The following CNDP2 variants were observed in gnomAD, a reference collection of about 807,000 sequenced individuals.
CNDP2 encodes carnosine dipeptidase 2.
In CNDP2, 38 loss-of-function variants were observed where a neutral mutation model predicts 55.0. That is an observed-to-expected ratio of 0.69 (90% CI 0.53 to 0.90). The LOEUF (loss-of-function observed/expected upper bound fraction) is 0.90, where lower values mean the gene tolerates loss of function less well. Among genes scored for constraint, CNDP2 ranks in the 40% least tolerant of loss-of-function variants. The probability of loss-of-function intolerance (pLI) is 0.00; values close to 1 mark genes in which losing one functional copy is unlikely to be tolerated. For synonymous variants in CNDP2, 241 were observed against 260.2 expected, an observed-to-expected ratio of 0.93 and a Z score of 0.71; for missense variants, 607 against 621.7, an observed-to-expected ratio of 0.98 and a Z score of 0.25.
Position 74,516,229 on chromosome 18 carries a change from AAGAC to A in CNDP2, c.907_910del (p.Asp303SerfsTer28). 1 of 1,607,616 alleles carries A rather than the reference AAGAC, an allele frequency of 6.2e-7. No homozygotes were observed. ...CCTGACCCTCTGATTTTTCTGCAGAAAGACATCCTCATGCACCGATGGCGGTACC... is the reference window on the plus strand; with the variant it reads ...CCTGACCCTCTGATTTTTCTGCAGAAATCCTCATGCACCGATGGCGGTACC... On this transcript the variant is annotated frameshift_variant and splice_region_variant, in exon 9 of 12. Coordinates refer to ENST00000324262, the MANE Select transcript of CNDP2 (RefSeq NM_018235.3). LOFTEE classifies it high-confidence loss of function.
intron 2 of CNDP2, among the ~76,000 whole-genome samples, chr18:74,500,496 T>C (rs1283175241): frequency 6.6e-6 from 1 of 152,246 alleles, no homozygotes; most frequent in Non-Finnish European, 1.5e-5. Context: ...TAATTTGGAC[T>C]GTGGCAACAT....
chr18:74,501,395 A>G lies in CNDP2; in HGVS notation c.127A>G (p.Arg43Gly). Residue 43 changes from arginine to glycine, a missense_variant, in exon 3 of 12, where the codon AGG (arginine) becomes GGG (glycine). Transcript: ENST00000324262. ...AWPEKRGEIR[R>G]MMEVAAADVK... ...GCCGGAGAAGAGAGGCGAAATCAGG[A>G]GGATGATGGAAGTTGCTGCTGCAGA... is the stretch of plus-strand genomic sequence containing the variant. 4 of 1,614,156 alleles carry G rather than the reference A, an allele frequency of 2.5e-6. No homozygotes were observed. Among genetic ancestry groups the G allele is most frequent in the Non-Finnish European group, 3.4e-6 (4 of 1,180,016 alleles).
At chr18:74,511,565 A>C (rs1048412420) in intron 6 of CNDP2, among the ~76,000 whole-genome samples, 8 of 152,054 alleles carry the variant, frequency 5.3e-5, no homozygotes, top group African/African-American at 1.9e-4. Flanking sequence ...AAAGTTAGCC[A>C]GGTGTGGTGG....
At position 74,508,942 on chromosome 18, in the gene CNDP2, G is replaced by C. The variant is rs763278033; in HGVS notation, c.456+14G>C. The C allele has an allele frequency of 3.7e-5, 59 of 1,609,596 alleles. No individual in the cohort carries two copies. The highest frequency in any genetic ancestry group is 2.2e-5 in the East Asian group (1 of 44,856). The stretch of plus-strand genomic sequence containing the variant: ...AAAACAGGCCAGGTATGCCCCCCAC[G>C]CTGACTTCTGCCTGAGTCCTGGGTT... On this transcript the variant is annotated intron_variant, in intron 5 of 11. Coordinates refer to ENST00000324262, the MANE Select transcript of CNDP2 (RefSeq NM_018235.3).
intron 8 of CNDP2, among the ~76,000 whole-genome samples, chr18:74,515,164 G>A (rs545190947): frequency 6.6e-6 from 1 of 152,164 alleles, no homozygotes; most frequent in Non-Finnish European, 1.5e-5. Context: ...GTGGAGCTCC[G>A]GGTCTTCCAG....
In CNDP2 at chr18:74,518,562, A is replaced by G. The variant is rs751303781; in HGVS notation, c.1132A>G (p.Met378Val). The G allele has an allele frequency of 1.2e-6, 2 of 1,614,118 alleles. No homozygotes were observed. The highest frequency in any genetic ancestry group is 1.7e-6 in the Non-Finnish European group (2 of 1,180,046). The change falls in exon 10 of 12, where the codon ATG becomes GTG. Residue 378 changes from methionine (M) to valine (V), a missense_variant. By Grantham distance (21) the Met-to-Val change is conservative. Transcript: ENST00000324262. ...CAGCCCCAATGAGTTCAAGGTGTAC[A>G]TGGGCCACGGTGGGAAGCCCTGGGT... ...LRSPNEFKVY[M>V]GHGGKPWVSD...
rs1980161085 is a variant in CNDP2, at chr18:74,523,364, T to A, written c.*3296T>A. On this transcript the variant is annotated 3_prime_UTR_variant, in exon 12 of 12. Transcript: ENST00000324262. ...GACCCTGTGACCCCTTTGCAAAGTATGAAGAACGGTTCCCACTCATGCATG... is the reference window on the plus strand; with the variant it reads ...GACCCTGTGACCCCTTTGCAAAGTAAGAAGAACGGTTCCCACTCATGCATG... The A allele has an allele frequency of 6.6e-6, 1 of 152,204 alleles. No individual in the cohort carries two copies. Among genetic ancestry groups the A allele is most frequent in the Middle Eastern group, 3.2e-3 (1 of 316 alleles). 9.4% of individuals were successfully genotyped at this position (152,204 alleles called of 1,614,324 possible).
At chr18:74,519,166 C>G (rs1342302811) in intron 11 of CNDP2, 70 bp downstream of exon 11, 17 of 1,513,620 alleles carry the variant, frequency 1.1e-5, no homozygotes, top group South Asian at 4.0e-5. Flanking sequence ...TCCCCTTCCC[C>G]CCGTGTGCAG....
rs1015658408 is a variant in CNDP2 at position 74,522,831 on chromosome 18, G to T, written c.*2763G>T. Reference sequence around the variant, plus strand: ...CGTGCTAACACCTGCAGCAGCCTGCGGCGGTCACCGTGCTAACACGTGCAG... The same window carrying T: ...CGTGCTAACACCTGCAGCAGCCTGCTGCGGTCACCGTGCTAACACGTGCAG... On this transcript the variant is annotated 3_prime_UTR_variant, in exon 12 of 12. Transcript: ENST00000324262. 2 of 152,428 alleles carry T rather than the reference G, an allele frequency of 1.3e-5. No individual in the cohort carries two copies. The highest frequency in any genetic ancestry group is 6.5e-5 in the Admixed American group (1 of 15,302). The allele number at this position is 152,428 out of a possible 1,614,324, so 9.4% of individuals were successfully genotyped here.
In CNDP2 at chr18:74,518,501, C is replaced by G. The variant is rs1443787488; in HGVS notation, c.1071C>G (p.Val357=). ...NMTPEVVGEQ[V]TSYLTKKFAE... is the part of the protein sequence containing the mutation. ...CCTCTATTCTATTTGTGGTTTAGGT[C>G]ACAAGCTACCTAACTAAGAAGTTTG... The change falls in exon 10 of 12, where the codon GTC becomes GTG. Residue 357 remains valine (V), a splice_region_variant and synonymous_variant. Transcript: ENST00000324262. 6.2e-7 allele frequency: 1 copy of G among 1,613,988 alleles called. No homozygotes were observed. Among genetic ancestry groups the G allele is most frequent in the Non-Finnish European group, 8.5e-7 (1 of 1,180,022 alleles).
intron 6 of CNDP2, 198 bp downstream of exon 6, chr18:74,511,211 G>A (rs2144597876): frequency 3.4e-6 from 2 of 592,900 alleles, no homozygotes; most frequent in Non-Finnish European, 6.0e-6. Flanking sequence ...GTGATCAGAA[G>A]TTAATCTCAC....
rs1979167878 is a variant in CNDP2, at chr18:74,508,666, A to G, written c.368-174A>G. On this transcript the variant is annotated intron_variant, in intron 4 of 11. Transcript: ENST00000324262. ...GTGGCTTATCTCTTTGATGATGCCA[A>G]ATTCTCTGACAAATTTAACGATAGT... 6.8e-6 allele frequency: 4 copies of G among 585,588 alleles called. No homozygotes were observed. The East Asian group carries it at 8.4e-5, about 12-fold the overall frequency. 36.3% of individuals were successfully genotyped at this position (585,588 alleles called of 1,614,324 possible).
chr18:74,506,720 C>T (rs180988720), intron 4 of CNDP2, among the ~76,000 whole-genome samples: 4 of 152,306 alleles, frequency 2.6e-5, no homozygotes, highest in Non-Finnish European at 5.9e-5. Flanking sequence ...GTGGGGGTGG[C>T]GATGTCCCTG....
intron 1 of CNDP2, 91 bp from the exon 2 acceptor site, chr18:74,499,791 A>G (rs1978587401): frequency 2.2e-6 from 1 of 462,576 alleles, no homozygotes; most frequent in Non-Finnish European, 3.9e-6. Context: ...AGCCGCAGTC[A>G]CTTCCTGGAG....
At chr18:74,516,610 A>G in intron 9 of CNDP2, 1 of 486,884 alleles carries the variant, frequency 2.1e-6, no homozygotes, top group Non-Finnish European at 3.4e-6. Flanking sequence ...GCAGGCCAAA[A>G]TCTGGCCTTT....
rs183784001 is a variant in CNDP2 at position 74,513,736 on chromosome 18, G to A, written c.903+17G>A. 1.4e-3 allele frequency: 2,220 copies of A among 1,609,852 alleles called. 33 individuals are homozygous for A. In the African/African-American group the frequency reaches 0.025, roughly 18 times the overall value. ...AGCCACAAGGTCTGGTTCAGGGCTC[G>A]ACTCTGCCACCTGCCCAGGCCACGC... On this transcript the variant is annotated intron_variant, in intron 8 of 11. Coordinates refer to ENST00000324262, the MANE Select transcript of CNDP2 (RefSeq NM_018235.3).
At chr18:74,508,688 T>C (rs151176944) in intron 4 of CNDP2, 152 bp from the exon 5 acceptor site, 113 of 615,326 alleles carry the variant, frequency 1.8e-4, no homozygotes, top group Middle Eastern at 3.8e-4. Flanking sequence ...AATTTAACGA[T>C]AGTGTTGGGT....
rs373821398 is a variant in CNDP2, at chr18:74,519,065, G to A, written c.1327G>A (p.Gly443Arg). ...GCTGCCTGTGGGGTCAGCGGATGAC[G>A]GAGCCCACTCCCAGAATGAAAAGCT... ...MLLPVGSADD[G>R]AHSQNEKLNR... The change falls in exon 11 of 12, where the codon GGA becomes AGA. Residue 443 changes from glycine to arginine, a missense_variant. Gly to Arg is a moderately radical substitution (Grantham distance 125). Coordinates refer to ENST00000324262, the MANE Select transcript of CNDP2 (RefSeq NM_018235.3). 25 of 1,611,442 alleles carry A rather than the reference G, an allele frequency of 1.6e-5. No individual in the cohort carries two copies. Among genetic ancestry groups the A allele is most frequent in the East Asian group, 4.5e-5 (2 of 44,804 alleles).
chr18:74,505,993 A>G lies in CNDP2; in HGVS notation c.349A>G (p.Thr117Ala). The G allele has an allele frequency of 1.3e-6, 2 of 1,594,432 alleles. No individual in the cohort carries two copies. The highest frequency in any genetic ancestry group is 1.7e-6 in the Non-Finnish European group (2 of 1,173,670). Residue 117 changes from threonine (T) to alanine (A), a missense_variant, in exon 4 of 12, where the codon ACC (threonine) becomes GCC (alanine). Thr to Ala is a moderately conservative substitution (Grantham distance 58). Transcript: ENST00000324262. ...GGACGGCTGGGACAGCGAGCCCTTC[A>G]CCCTGGTGGAGCGAGACGGTGAGCG... The part of the protein sequence containing the change: ...LEDGWDSEPF[T>A]LVERDGKLYG...
Sources: gnomAD v4.1 joint callset for allele counts (sites outside exome capture counted in the v4.1 genomes callset) on GRCh38, gnomAD v4.1.1 for gene constraint, MANE v1.5 for transcripts, NCBI Gene and HGNC (gene_info 2026-07-23, HGNC 2026-07-21) for gene names.